The following NAV3 variants were observed in gnomAD, a reference collection of about 807,000 sequenced individuals.
The protein encoded by NAV3 is pore membrane and/or filament interacting like protein 1.
In NAV3, 87 loss-of-function variants were observed where a neutral mutation model predicts 244.7. The ratio of observed to expected loss-of-function variants is 0.36; its 90% CI spans 0.30 to 0.42. The LOEUF (loss-of-function observed/expected upper bound fraction) is 0.42, where lower values mean the gene tolerates loss of function less well. NAV3 is among the 20% of genes least tolerant of loss of function. NAV3 has a pLI of 1.00. For missense variants in NAV3, 2,663 were observed against 2,893.3 expected, an observed-to-expected ratio of 0.92 and a Z score of 1.83; for synonymous variants, 1,126 against 1,042.2, an observed-to-expected ratio of 1.08 and a Z score of -1.55.
At chr12:77,878,161 A>G (rs552666144) in intron 1 of NAV3, among the ~76,000 whole-genome samples, 61 of 151,936 alleles carry the variant, frequency 4.0e-4, no homozygotes, top group African/African-American at 1.4e-3. Flanking sequence ...GGGAAGAGAA[A>G]GGACATGAGG....
chr12:77,585,759 C>T (rs1430622038), intron 2 of NAV3, among the ~76,000 whole-genome samples: 2 of 152,314 alleles, frequency 1.3e-5, no homozygotes, highest in East Asian at 3.9e-4. Flanking sequence ...CCTAACAGGC[C>T]ACAAGCCAGT....
chr12:78,062,276 G>A (rs989803544), intron 12 of NAV3, among the ~76,000 whole-genome samples: 9 of 152,004 alleles, frequency 5.9e-5, no homozygotes, highest in African/African-American at 2.2e-4. Flanking sequence ...ATATAGAAAT[G>A]TGAGTTTAAA....
At chr12:78,190,355 C>A in intron 34 of NAV3, 136 bp downstream of exon 34, 2 of 700,006 alleles carry the variant, frequency 2.9e-6, no homozygotes, top group Non-Finnish European at 4.7e-6. Context: ...GAATTGTAAC[C>A]TGGTGAGTGA....
chr12:77,753,659 G>C (rs961831305), intron 2 of NAV3, among the ~76,000 whole-genome samples: 1 of 152,180 alleles, frequency 6.6e-6, no homozygotes, highest in Non-Finnish European at 1.5e-5. Context: ...GTAGAAAAAG[G>C]AGGGGGAAGT....
rs558598479 is a variant in NAV3, at chr12:77,714,910, T to C, written c.72+142644T>C. Among the ~76,000 whole-genome samples the C allele has an allele frequency of 2.6e-5, 4 of 152,220 alleles. No individual in the cohort carries two copies. The East Asian group carries it at 5.8e-4, about 22-fold the overall frequency. On this transcript the variant is annotated intron_variant, in intron 2 of 8. Coordinates refer to the NAV3 transcript ENST00000550042. Reference sequence around the variant, plus strand: ...CATTTAAAAATACATAACATAATTTTTAGATTCACGAAGTACCTTTACTTA... The same window carrying C: ...CATTTAAAAATACATAACATAATTTCTAGATTCACGAAGTACCTTTACTTA...
At chr12:78,126,955 C>A (rs1182255843) in intron 16 of NAV3, among the ~76,000 whole-genome samples, 1 of 152,158 alleles carries the variant, frequency 6.6e-6, no homozygotes, top group Non-Finnish European at 1.5e-5. Flanking sequence ...ACTAAACTGT[C>A]ATTGAATTGT....
chr12:78,122,375 G>A lies in NAV3; in HGVS notation c.4185G>A (p.Glu1395=), dbSNP rs751790546. Residue 1395 remains glutamate (E), a synonymous_variant, in exon 16 of 40, where the codon GAG becomes GAA. Transcript: ENST00000397909. ...SLSGLTTGTH[E]VQSLLMRTGS... ...CTGGACTGACCACAGGCACTCACGA[G>A]GTCCAGAGCCTGCTCATGAGAACGG... 29 of 1,613,470 alleles carry A rather than the reference G, an allele frequency of 1.8e-5. No homozygotes were observed.
Position 77,742,912 on chromosome 12 carries a change from T to A in NAV3, c.72+170646T>A, listed in dbSNP as rs554969316. Among the ~76,000 whole-genome samples the A allele has an allele frequency of 1.8e-4, 28 of 152,138 alleles. No individual in the cohort carries two copies. In the South Asian group the frequency reaches 1.9e-3, roughly 10 times the overall value. On this transcript the variant is annotated intron_variant, in intron 2 of 8. Coordinates refer to the NAV3 transcript ENST00000550042. ...GTGATCTCTCATGGTTCTCATGTAT[T>A]TGTCATCATGTTTAGTGCAATACTG...
Position 78,199,457 on chromosome 12 carries a change from T to C in NAV3, c.6641T>C (p.Ile2214Thr). 1.9e-6 allele frequency: 3 copies of C among 1,610,462 alleles called. No homozygotes were observed. The highest frequency in any genetic ancestry group is 2.2e-5 in the East Asian group (1 of 44,718). ...NIRNNDLVKI[I>T]DWIPKTWHHL... ...CGCAATAATGACCTAGTCAAAATTA[T>C]AGATTGGATTCCGAAGACGTGGCAT... is the stretch of plus-strand genomic sequence containing the variant. Residue 2214 changes from isoleucine to threonine, a missense_variant, in exon 37 of 40, where the codon ATA (isoleucine) becomes ACA (threonine). Physicochemically the swap from Ile to Thr is moderately conservative, Grantham distance 89. Transcript: ENST00000397909.
At chr12:78,001,625 A>G (rs558945904) in intron 7 of NAV3, among the ~76,000 whole-genome samples, 91 of 152,364 alleles carry the variant, frequency 6.0e-4, no homozygotes, top group African/African-American at 2.0e-3. Context: ...ACTTCAAAAG[A>G]TACATCTAAT....
chr12:78,180,507 C>A (rs1342011063), intron 29 of NAV3, among the ~76,000 whole-genome samples: 1 of 151,978 alleles, frequency 6.6e-6, no homozygotes, highest in Non-Finnish European at 1.5e-5. Context: ...TTACAAATGG[C>A]ATTATATGCT....
intron 2 of NAV3, among the ~76,000 whole-genome samples, chr12:77,782,121 A>T (rs1870693275): frequency 6.6e-6 from 1 of 152,166 alleles, no homozygotes; most frequent in South Asian, 2.1e-4. Flanking sequence ...AAGTCTCCTA[A>T]CAAGAGTCAC....
intron 1 of NAV3, among the ~76,000 whole-genome samples, chr12:77,858,573 T>G (rs1878743005): frequency 6.6e-6 from 1 of 152,086 alleles, no homozygotes; most frequent in South Asian, 2.1e-4. Flanking sequence ...CACAGCCATA[T>G]TTTATTACAC....
intron 2 of NAV3, among the ~76,000 whole-genome samples, chr12:77,645,706 G>A (rs1363505166): frequency 6.6e-6 from 1 of 151,906 alleles, no homozygotes. Flanking sequence ...CTTGGTTATT[G>A]CATTTTGTGG....
At chr12:77,593,722 C>T (rs1870031930) in intron 2 of NAV3, among the ~76,000 whole-genome samples, 2 of 151,436 alleles carry the variant, frequency 1.3e-5, no homozygotes, top group African/African-American at 4.9e-5. Context: ...GATCTGCCTG[C>T]CTTGGCCTCC....
At chr12:77,948,694 G>A (rs1890599344) in intron 3 of NAV3, among the ~76,000 whole-genome samples, 1 of 119,548 alleles carries the variant, frequency 8.4e-6, no homozygotes, top group Non-Finnish European at 1.7e-5. Context: ...CCCCACCACT[G>A]CCAAACTTAA....
At chr12:78,107,665 G>A (rs1593609669) in intron 12 of NAV3, among the ~76,000 whole-genome samples, 1 of 151,940 alleles carries the variant, frequency 6.6e-6, no homozygotes, top group African/African-American at 2.4e-5. Context: ...CTTCATAAAT[G>A]AAGGAGAAAT....
intron 2 of NAV3, among the ~76,000 whole-genome samples, chr12:77,662,208 T>A (rs932408779): frequency 7.1e-6 from 1 of 140,786 alleles, no homozygotes; most frequent in East Asian, 2.1e-4. Flanking sequence ...CACCTTATTA[T>A]ATATCTTCAT....
intron 39 of NAV3, among the ~76,000 whole-genome samples, chr12:78,208,238 C>T (rs1023137507): frequency 2.0e-5 from 3 of 152,036 alleles, no homozygotes; most frequent in Admixed American, 6.6e-5. Flanking sequence ...AACCTGCTCT[C>T]GCACATGAAC....
Sources: gnomAD v4.1 joint callset for allele counts (sites outside exome capture counted in the v4.1 genomes callset) on GRCh38, gnomAD v4.1.1 for gene constraint, MANE v1.5 for transcripts, NCBI Gene and HGNC (gene_info 2026-07-23, HGNC 2026-07-21) for gene names.